The following PCDHGA3 variants were observed in gnomAD, a reference collection of about 807,000 sequenced individuals.
The protein encoded by PCDHGA3 is protocadherin gamma-A3.
Under a neutral mutation model 58.5 loss-of-function variants are expected in PCDHGA3, and 40 were observed. That is an observed-to-expected ratio of 0.68 (90% CI 0.53 to 0.89). The LOEUF (loss-of-function observed/expected upper bound fraction) is 0.89, where lower values mean the gene tolerates loss of function less well. PCDHGA3 is among the 40% of genes least tolerant of loss of function. PCDHGA3 has a pLI of 0.00. For synonymous variants in PCDHGA3, 530 were observed against 525.7 expected (o/e 1.01, Z -0.11); for missense variants, 1,223 against 1,195.9 (o/e 1.02, Z -0.33).
At chr5:141,376,366 A>C in intron 1 of PCDHGA3, 1 of 1,614,206 alleles carries the variant, frequency 6.2e-7, no homozygotes, top group Non-Finnish European at 8.5e-7. Context: ...CACTCACTGC[A>C]GACTCGCGTA....
rs539892249 is a variant in PCDHGA3 at position 141,500,355 on chromosome 5, C to T, written c.2484-5038C>T. ...TCCAGAATAGCTGGGACTACAGGCG[C>T]CCACTACCACGCCCGGCTAATTATT... On this transcript the variant is annotated intron_variant, in intron 2 of 3. Coordinates refer to ENST00000253812, the MANE Select transcript of PCDHGA3 (RefSeq NM_018916.4). Among the ~76,000 whole-genome samples, 274 of 152,030 alleles carry T rather than the reference C, an allele frequency of 1.8e-3. 2 individuals are homozygous for T. The highest frequency in any genetic ancestry group is 6.3e-3 in the African/African-American group (263 of 41,478).
chr5:141,451,521 TAAAGG>T (rs1187561043), intron 1 of PCDHGA3, among the ~76,000 whole-genome samples: 1 of 152,148 alleles, frequency 6.6e-6, no homozygotes, highest in Non-Finnish European at 1.5e-5. Context: ...TTAGAGCAAG[TAAAGG>T]AGAGTGCCAG....
At chr5:141,478,423 C>A (rs1355847104) in intron 1 of PCDHGA3, 1 of 1,613,672 alleles carries the variant, frequency 6.2e-7, no homozygotes, top group Admixed American at 1.7e-5. Context: ...CCCGCCGCAG[C>A]GACCCGCTGC....
chr5:141,384,366 T>C (rs573164893), intron 1 of PCDHGA3: 2 of 1,613,896 alleles, frequency 1.2e-6, no homozygotes, highest in Middle Eastern at 1.6e-4. Flanking sequence ...AGATCACTTA[T>C]TCCTTGGCCG....
intron 1 of PCDHGA3, chr5:141,376,198 G>A (rs1772399318): frequency 6.2e-7 from 1 of 1,614,072 alleles, no homozygotes; most frequent in South Asian, 1.1e-5. Context: ...GCGTCTTCCT[G>A]GCCTTCGTCA....
chr5:141,421,515 C>A, intron 1 of PCDHGA3: 3 of 1,614,080 alleles, frequency 1.9e-6, no homozygotes, highest in Non-Finnish European at 2.5e-6. Context: ...GGGAGGAGCT[C>A]TGTGAGACGG....
chr5:141,365,309 C>T lies in PCDHGA3; in HGVS notation c.2424+18852C>T, dbSNP rs200560640. 105 of 1,613,826 alleles carry T rather than the reference C, an allele frequency of 6.5e-5. 1 individual carries two copies. The highest frequency in any genetic ancestry group is 8.5e-5 in the Non-Finnish European group (100 of 1,179,886). ...AGTGGTAGCTCAGGATGGAGGCGCT[C>T]TTGTTGCCAGCGCTAAGGTGGTGGT... On this transcript the variant is annotated intron_variant, in intron 1 of 3. Transcript: ENST00000253812.
At chr5:141,479,206 T>C (rs987807222) in intron 1 of PCDHGA3, 3 of 152,400 alleles carry the variant, frequency 2.0e-5, no homozygotes, top group African/African-American at 7.2e-5. Context: ...CAGAAAAGTA[T>C]TTAAAAAATT....
chr5:141,408,315 C>T lies in PCDHGA3; in HGVS notation c.2424+61858C>T, dbSNP rs757628906. The stretch of plus-strand genomic sequence containing the variant: ...AGTGAGCCGATCCGCTACTCGATTC[C>T]GGAGGAGCTGGCCAAGGGCTCGGTG... On this transcript the variant is annotated intron_variant, in intron 1 of 3. Coordinates refer to ENST00000253812, the MANE Select transcript of PCDHGA3 (RefSeq NM_018916.4). The T allele has an allele frequency of 5.6e-6, 9 of 1,613,712 alleles. No homozygotes were observed. The highest frequency in any genetic ancestry group is 6.8e-6 in the Non-Finnish European group (8 of 1,179,748).
chr5:141,361,633 G>A (rs891072773), intron 1 of PCDHGA3: 1 of 1,613,904 alleles, frequency 6.2e-7, no homozygotes, highest in Non-Finnish European at 8.5e-7. Context: ...GAAGCCGCGG[G>A]AGATTTTATC....
In PCDHGA3 at chr5:141,356,606, C is replaced by T. The variant is rs536702796; in HGVS notation, c.2424+10149C>T. 6 of 1,614,182 alleles carry T rather than the reference C, an allele frequency of 3.7e-6. No individual in the cohort carries two copies. The Admixed American group carries it at 6.7e-5, about 18-fold the overall frequency. On this transcript the variant is annotated intron_variant, in intron 1 of 3. Transcript: ENST00000253812. ...ATTCCTGAAAACAACCCCAGAGGAG[C>T]CTCCATCTTATCTATGACTGCTCAA...
intron 1 of PCDHGA3, chr5:141,441,995 G>T: frequency 8.1e-6 from 2 of 246,740 alleles, no homozygotes; most frequent in Non-Finnish European, 8.0e-6. Flanking sequence ...CCGACGAGGT[G>T]CTGACAGCTC....
chr5:141,359,315 A>G (rs1471429370), intron 1 of PCDHGA3, among the ~76,000 whole-genome samples: 3 of 152,178 alleles, frequency 2.0e-5, no homozygotes, highest in Non-Finnish European at 2.9e-5. Context: ...AGGTGTTGGC[A>G]TTAGGAATAT....
chr5:141,399,146 G>A, intron 1 of PCDHGA3: 4 of 1,613,792 alleles, frequency 2.5e-6, no homozygotes, highest in Non-Finnish European at 3.4e-6. Context: ...AATGACAATA[G>A]CCCAGAAGTT....
At chr5:141,468,077 C>T (rs180732917) in intron 1 of PCDHGA3, among the ~76,000 whole-genome samples, 1 of 152,152 alleles carries the variant, frequency 6.6e-6, no homozygotes, top group East Asian at 1.9e-4. Flanking sequence ...GTAATCCCAG[C>T]ACTTTGGGAG....
At chr5:141,449,369 G>A (rs561017816) in intron 1 of PCDHGA3, among the ~76,000 whole-genome samples, 4 of 152,068 alleles carry the variant, frequency 2.6e-5, no homozygotes, top group South Asian at 4.2e-4. Flanking sequence ...CACTTTGGGA[G>A]GCTGAGGCAG....
At chr5:141,382,978 T>G in intron 1 of PCDHGA3, 1 of 1,610,702 alleles carries the variant, frequency 6.2e-7, no homozygotes, top group Non-Finnish European at 8.5e-7. Context: ...CTGGGAAGCC[T>G]GGGCAGGACG....
chr5:141,448,706 C>G (rs1344013319), intron 1 of PCDHGA3, among the ~76,000 whole-genome samples: 1 of 151,732 alleles, frequency 6.6e-6, no homozygotes, highest in African/African-American at 2.4e-5. Context: ...TTTGGGAGGC[C>G]GAGGCGGGAG....
At chr5:141,361,698 T>A (rs779293216) in intron 1 of PCDHGA3, 3 of 1,613,408 alleles carry the variant, frequency 1.9e-6, no homozygotes, top group South Asian at 2.2e-5. Context: ...GCGCCTTCGA[T>A]CATGAGCAGC....
Sources: allele counts gnomAD v4.1 joint callset (sites outside exome capture counted in the v4.1 genomes callset), GRCh38; gene constraint gnomAD v4.1.1; transcripts MANE v1.5; gene names NCBI Gene and HGNC (gene_info 2026-07-23, HGNC 2026-07-21).